FAR1: variants seen among roughly 807,000 people sequenced by gnomAD.
The protein encoded by FAR1 is fatty acyl-CoA reductase 1.
Under a neutral mutation model 61.1 loss-of-function variants are expected in FAR1, and 22 were observed. The observed-to-expected ratio is 0.36, with a 90% CI of 0.26 to 0.51. FAR1 has a LOEUF of 0.51. Ranked by LOEUF, FAR1 falls within the 20% of genes least tolerant of loss-of-function variation. FAR1 has a pLI of 0.95. For missense variants in FAR1, 359 were observed against 626.9 expected, an observed-to-expected ratio of 0.57 and a Z score of 4.56; for synonymous variants, 206 against 209.7, an observed-to-expected ratio of 0.98 and a Z score of 0.15.
At chr11:13,718,613 AGTGTTGAGATCT>A (rs1440681083) in intron 9 of FAR1, among the ~76,000 whole-genome samples, 1 of 152,168 alleles carries the variant, frequency 6.6e-6, no homozygotes, top group African/African-American at 2.4e-5. Context: ...AGCCCCTCCC[AGTGTTGAGATCT>A]GTGTTGAGAT....
At chr11:13,680,108 G>T (rs537357783) in intron 1 of FAR1, among the ~76,000 whole-genome samples, 1 of 152,288 alleles carries the variant, frequency 6.6e-6, no homozygotes, top group East Asian at 1.9e-4. Context: ...TGCTACAGCT[G>T]ATCTTTATTT....
chr11:13,670,448 G>A (rs768509633), intron 1 of FAR1, among the ~76,000 whole-genome samples: 123 of 152,024 alleles, frequency 8.1e-4, no homozygotes, highest in Middle Eastern at 6.8e-3. Context: ...ATGCCCCACC[G>A]CACCGGCTAA....
chr11:13,680,848 C>T (rs1848119578), intron 1 of FAR1, among the ~76,000 whole-genome samples: 1 of 152,164 alleles, frequency 6.6e-6, no homozygotes, highest in African/African-American at 2.4e-5. Context: ...TAAACCATAG[C>T]AGTCTTAATC....
chr11:13,714,091 T>A (rs960574906), intron 8 of FAR1, among the ~76,000 whole-genome samples: 6 of 152,164 alleles, frequency 3.9e-5, no homozygotes, highest in African/African-American at 1.4e-4. Context: ...TGTTAATGTA[T>A]GTTAATTTGA....
chr11:13,671,866 G>C (rs1395232996), intron 1 of FAR1, among the ~76,000 whole-genome samples: 1 of 152,148 alleles, frequency 6.6e-6, no homozygotes, highest in Admixed American at 6.5e-5. Context: ...GAAAATTCAA[G>C]TCAGACCTCA....
intron 3 of FAR1, among the ~76,000 whole-genome samples, chr11:13,707,047 C>G (rs939558274): frequency 1.3e-5 from 2 of 152,076 alleles, no homozygotes; most frequent in African/African-American, 4.8e-5. Context: ...ATTATTCATA[C>G]AAATGTTTCA....
intron 1 of FAR1, among the ~76,000 whole-genome samples, chr11:13,682,545 T>C (rs1365204635): frequency 6.6e-6 from 1 of 152,230 alleles, no homozygotes; most frequent in Non-Finnish European, 1.5e-5. Context: ...CTTGGCCCTT[T>C]ACAGAAACCT....
intron 1 of FAR1, among the ~76,000 whole-genome samples, chr11:13,678,686 A>G (rs1032745310): frequency 6.6e-6 from 1 of 151,688 alleles, no homozygotes; most frequent in East Asian, 1.9e-4. Context: ...GTGTTGGGAC[A>G]TTTATGAAGA....
chr11:13,710,030 C>CTAAT (rs1848480145), intron 4 of FAR1, among the ~76,000 whole-genome samples: 1 of 152,030 alleles, frequency 6.6e-6, no homozygotes, highest in African/African-American at 2.4e-5. Flanking sequence ...TAGTAGGTTG[C>CTAAT]TAATTGAATT....
At chr11:13,681,288 G>T (rs1434835121) in intron 1 of FAR1, among the ~76,000 whole-genome samples, 3 of 152,208 alleles carry the variant, frequency 2.0e-5, no homozygotes, top group Non-Finnish European at 4.4e-5. Context: ...GTAGTCCTGT[G>T]AAATAGGTCC....
intron 9 of FAR1, chr11:13,720,038 TC>T (rs1848593931): frequency 6.6e-6 from 1 of 152,196 alleles, no homozygotes; most frequent in Admixed American, 6.5e-5. Flanking sequence ...TAGTTTTCAA[TC>T]CAGTATTTTT....
rs1394424797 is a variant in FAR1, at chr11:13,721,481, G to A, written c.1128-249G>A. 6.7e-5 allele frequency: 24 copies of A among 357,492 alleles called. No individual in the cohort carries two copies. The highest frequency in any genetic ancestry group is 3.5e-5 in the Non-Finnish European group (7 of 198,614). The allele number at this position is 357,492 out of a possible 1,614,324, so 22.1% of individuals were successfully genotyped here. A position where few individuals can be genotyped will look rare whatever the true frequency, so the allele number is the denominator to read the frequency against. ...TAATTCTGTATATCAGCAGAACTCTGTTTAGGTGGTATTAAATGCATTTGC... is the reference window on the plus strand; with the variant it reads ...TAATTCTGTATATCAGCAGAACTCTATTTAGGTGGTATTAAATGCATTTGC... On this transcript the variant is annotated intron_variant, in intron 9 of 11. Coordinates refer to ENST00000354817, the MANE Select transcript of FAR1 (RefSeq NM_032228.6). The surrounding 1 kb of genome is among the most constrained non-coding windows in gnomAD (Gnocchi z 4.2).
intron 3 of FAR1, among the ~76,000 whole-genome samples, chr11:13,705,222 C>T (rs1848419498): frequency 6.6e-6 from 1 of 152,012 alleles, no homozygotes; most frequent in Non-Finnish European, 1.5e-5. Flanking sequence ...ACAATGAGAA[C>T]ATTATTTTTG....
At chr11:13,682,209 G>A (rs896414395) in intron 1 of FAR1, among the ~76,000 whole-genome samples, 4 of 152,186 alleles carry the variant, frequency 2.6e-5, no homozygotes, top group African/African-American at 9.6e-5. Context: ...ACAAGCATTT[G>A]TTGGCCATTT....
chr11:13,702,657 C>T (rs1017522512), intron 3 of FAR1, among the ~76,000 whole-genome samples: 2 of 151,978 alleles, frequency 1.3e-5, no homozygotes, highest in African/African-American at 4.8e-5. Context: ...CCTTCATAGA[C>T]AAAAGAAAGA....
rs1364205010 is a variant in FAR1, at chr11:13,721,097, A to T, written c.1128-633A>T. On this transcript the variant is annotated intron_variant, in intron 9 of 11. Coordinates refer to ENST00000354817, the MANE Select transcript of FAR1 (RefSeq NM_032228.6). This position sits in a 1 kb window ranked among gnomAD's most constrained non-coding sequence, Gnocchi z 4.2. ...GGATGAGTATTGGTGGGGTATGGAG[A>T]GGTGAGTGGATATCTATTTCAGATA... is the stretch of plus-strand genomic sequence containing the variant. 1 of 152,094 alleles carries T rather than the reference A, an allele frequency of 6.6e-6. No individual in the cohort carries two copies. The highest frequency in any genetic ancestry group is 1.5e-5 in the Non-Finnish European group (1 of 67,996). The allele number at this position is 152,094 out of a possible 1,614,324, so 9.4% of individuals were successfully genotyped here. A position where few individuals can be genotyped will look rare whatever the true frequency, so the allele number is the denominator to read the frequency against.
chr11:13,678,894 C>G (rs1848096438), intron 1 of FAR1, among the ~76,000 whole-genome samples: 1 of 152,026 alleles, frequency 6.6e-6, no homozygotes, highest in African/African-American at 2.4e-5. Context: ...ATTCAGAAGG[C>G]AGCCATAAGA....
intron 1 of FAR1, among the ~76,000 whole-genome samples, chr11:13,671,183 G>T (rs1847999440): frequency 6.6e-6 from 1 of 152,208 alleles, no homozygotes; most frequent in African/African-American, 2.4e-5. Context: ...GTGAATCAGG[G>T]AAGGTTTCCT....
chr11:13,722,380 T>C (rs973625326), intron 10 of FAR1, among the ~76,000 whole-genome samples: 1 of 152,158 alleles, frequency 6.6e-6, no homozygotes, highest in African/African-American at 2.4e-5. Context: ...ATAATAATAA[T>C]ATTTAGAACC....
Sources: gnomAD v4.1 joint callset for allele counts (sites outside exome capture counted in the v4.1 genomes callset) on GRCh38, gnomAD v4.1.1 for gene constraint, Gnocchi (gnomAD v3.1) non-coding constraint, MANE v1.5 for transcripts, NCBI Gene and HGNC (gene_info 2026-07-23, HGNC 2026-07-21) for gene names.